Variants in GPC5 observed in about 807,000 individuals in gnomAD.
GPC5 encodes the protein glypican-5.
Under a neutral mutation model 53.9 loss-of-function variants are expected in GPC5, and 47 were observed. That is an observed-to-expected ratio of 0.87 (90% CI 0.69 to 1.11). The LOEUF is 1.11. Ranked by LOEUF, GPC5 falls within the 50% of genes most tolerant of loss-of-function variation. The pLI is 0.00. For synonymous variants in GPC5, 286 were observed against 263.3 expected, an observed-to-expected ratio of 1.09 and a Z score of -0.84; for missense variants, 748 against 713.1, an observed-to-expected ratio of 1.05 and a Z score of -0.56.
chr13:92,367,824 T>A (rs527367985), intron 7 of GPC5, among the ~76,000 whole-genome samples: 1 of 152,206 alleles, frequency 6.6e-6, no homozygotes, highest in South Asian at 2.1e-4. Flanking sequence ...ATATAAAAAA[T>A]TGGAAGGTGC....
chr13:92,166,899 C>A (rs2042031553), intron 7 of GPC5, among the ~76,000 whole-genome samples: 1 of 145,786 alleles, frequency 6.9e-6, no homozygotes, highest in African/African-American at 2.5e-5. Flanking sequence ...TGATCTGTAT[C>A]CAAAATAAGG....
At chr13:92,436,300 T>C (rs1023963864) in intron 7 of GPC5, among the ~76,000 whole-genome samples, 1 of 148,684 alleles carries the variant, frequency 6.7e-6, no homozygotes, top group East Asian at 1.9e-4. Context: ...ATGTTTTATG[T>C]GTGTAAACAA....
At chr13:92,197,298 A>C (rs4238302) in intron 7 of GPC5, among the ~76,000 whole-genome samples, 30,634 of 152,188 alleles carry the variant, frequency 0.2, 3,994 homozygotes, top group East Asian at 0.64. Flanking sequence ...ACAGATATAA[A>C]TAATATTGAC....
At chr13:92,539,233 G>A (rs1331910762) in intron 7 of GPC5, among the ~76,000 whole-genome samples, 3 of 151,606 alleles carry the variant, frequency 2.0e-5, no homozygotes, top group Non-Finnish European at 2.9e-5. Context: ...CTAGATCCTT[G>A]AGGAATCGCC....
chr13:92,533,410 C>A (rs193253576), intron 7 of GPC5, among the ~76,000 whole-genome samples: 2 of 152,114 alleles, frequency 1.3e-5, no homozygotes, highest in Non-Finnish European at 1.5e-5. Context: ...ACCATCAGAA[C>A]ATTTCTTTAT....
chr13:91,689,624 T>C (rs929692536), intron 2 of GPC5, among the ~76,000 whole-genome samples: 5 of 151,738 alleles, frequency 3.3e-5, no homozygotes, highest in Non-Finnish European at 7.4e-5. Context: ...AAATATTTAT[T>C]TATTTTTTTA....
At chr13:91,579,487 C>T (rs1227166264) in intron 2 of GPC5, among the ~76,000 whole-genome samples, 1 of 152,168 alleles carries the variant, frequency 6.6e-6, no homozygotes, top group Non-Finnish European at 1.5e-5. Context: ...ACCACTTTAT[C>T]CTCAGCTCTG....
At chr13:92,452,596 C>G (rs1878108105) in intron 7 of GPC5, among the ~76,000 whole-genome samples, 1 of 151,976 alleles carries the variant, frequency 6.6e-6, no homozygotes, top group Non-Finnish European at 1.5e-5. Flanking sequence ...ACAACCAAGT[C>G]CCACTCTGTC....
intron 7 of GPC5, among the ~76,000 whole-genome samples, chr13:92,733,055 C>T (rs1375455040): frequency 6.6e-6 from 1 of 151,618 alleles, no homozygotes; most frequent in Non-Finnish European, 1.5e-5. Context: ...CAATACGGGA[C>T]AACAATTGAA....
chr13:92,443,825 G>T (rs574222099), intron 7 of GPC5, among the ~76,000 whole-genome samples: 1 of 152,250 alleles, frequency 6.6e-6, no homozygotes, highest in Admixed American at 6.5e-5. Context: ...GGCAGGGAAG[G>T]GATGTGCAAA....
At chr13:92,724,794 A>G (rs1888591428) in intron 7 of GPC5, among the ~76,000 whole-genome samples, 1 of 151,366 alleles carries the variant, frequency 6.6e-6, no homozygotes, top group South Asian at 2.1e-4. Flanking sequence ...GTGCTGTACA[A>G]GATGGTGACT....
chr13:92,017,154 G>T (rs1335839884), intron 6 of GPC5, among the ~76,000 whole-genome samples: 2 of 152,060 alleles, frequency 1.3e-5, no homozygotes, highest in African/African-American at 4.8e-5. Context: ...AATAAAGGTT[G>T]GTTTTCCACC....
intron 2 of GPC5, among the ~76,000 whole-genome samples, chr13:91,668,294 A>G (rs565386040): frequency 6.6e-6 from 1 of 152,310 alleles, no homozygotes; most frequent in Admixed American, 6.5e-5. Context: ...TGCCTCTGGG[A>G]CAGATGTGCA....
At position 92,613,349 on chromosome 13, in the gene GPC5, TA is replaced by T. The variant is rs1329041926; in HGVS notation, c.1562-252930del. On this transcript the variant is annotated intron_variant, in intron 7 of 7. Transcript: ENST00000377067. ...TTATATAATATAATATATTTATATA[TA>T]AATATATAATATATTTATATATAAA... Among the ~76,000 whole-genome samples, 67 of 101,492 alleles carry T rather than the reference TA, an allele frequency of 6.6e-4. 2 individuals are homozygous for T. Among genetic ancestry groups the T allele is most frequent in the South Asian group, 4.8e-3 (17 of 3,544 alleles). 66.6% of individuals were successfully genotyped at this position (101,492 alleles called of 152,430 possible). A position where few individuals can be genotyped will look rare whatever the true frequency, so the allele number is the denominator to read the frequency against.
At chr13:92,163,543 T>C (rs1478570910) in intron 7 of GPC5, among the ~76,000 whole-genome samples, 2 of 152,164 alleles carry the variant, frequency 1.3e-5, no homozygotes, top group Non-Finnish European at 2.9e-5. Flanking sequence ...CTACTGAGTA[T>C]TCTATTTCCC....
chr13:92,187,618 T>C (rs913867872), intron 7 of GPC5, among the ~76,000 whole-genome samples: 4 of 152,204 alleles, frequency 2.6e-5, no homozygotes, highest in African/African-American at 9.6e-5. Context: ...CTGAGGTGGG[T>C]GCTGTGAAGA....
intron 7 of GPC5, among the ~76,000 whole-genome samples, chr13:92,169,100 G>A (rs948413106): frequency 6.6e-6 from 1 of 152,160 alleles, no homozygotes; most frequent in African/African-American, 2.4e-5. Context: ...AACACTGCAT[G>A]TTCTCGCTTC....
intron 7 of GPC5, among the ~76,000 whole-genome samples, chr13:92,698,664 C>T (rs1204980087): frequency 2.2e-4 from 34 of 152,090 alleles, no homozygotes; most frequent in Admixed American, 2.0e-3. Context: ...GATTTATAAT[C>T]CTTTGGGTTT....
At chr13:91,749,450 A>G (rs1188181891) in intron 4 of GPC5, among the ~76,000 whole-genome samples, 1 of 152,172 alleles carries the variant, frequency 6.6e-6, no homozygotes, top group Non-Finnish European at 1.5e-5. Context: ...GGTTGATTCC[A>G]TGTCTTTGTT....
Sources: gnomAD v4.1 joint callset for allele counts (sites outside exome capture counted in the v4.1 genomes callset) on GRCh38, gnomAD v4.1.1 for gene constraint, MANE v1.5 for transcripts, NCBI Gene and HGNC (gene_info 2026-07-23, HGNC 2026-07-21) for gene names.